Variants in PLTP observed in about 807,000 individuals in gnomAD.
The protein encoded by PLTP is BPI fold containing family E.
In PLTP, 43 loss-of-function variants were observed where a neutral mutation model predicts 54.1. That is an observed-to-expected ratio of 0.79 (90% CI 0.62 to 1.02). The LOEUF (loss-of-function observed/expected upper bound fraction) is 1.02. PLTP is among the 50% of genes least tolerant of loss of function. The pLI is 0.00. For missense variants in PLTP, 604 were observed against 645.9 expected, an observed-to-expected ratio of 0.94 and a Z score of 0.70; for synonymous variants, 263 against 264.6, an observed-to-expected ratio of 0.99 and a Z score of 0.06.
chr20:45,904,824 G>C lies in PLTP; in HGVS notation c.918C>G (p.Thr306=). 1 of 1,614,188 alleles carries C rather than the reference G, an allele frequency of 6.2e-7. No individual in the cohort carries two copies. Among genetic ancestry groups the C allele is most frequent in the Non-Finnish European group, 8.5e-7 (1 of 1,180,032 alleles). Residue 306 remains threonine (T), a synonymous_variant, in exon 10 of 16, where the codon ACC becomes ACG. Transcript: ENST00000372431. ...PHDLDMLLRA[T]YFGSIVLLSP... The stretch of plus-strand genomic sequence containing the variant: ...CCAGCAGGACAATGCTCCCAAAGTA[G>C]GTGGCCCTCAGCAGCATGTCCAGGT...
At chr20:45,910,131 G>C in intron 3 of PLTP, 61 bp from the exon 4 acceptor site, 1 of 1,591,414 alleles carries the variant, frequency 6.3e-7, no homozygotes, top group Admixed American at 1.7e-5. Flanking sequence ...CCAACGACAG[G>C]AAATTTGTCT....
In PLTP at chr20:45,898,842, G is replaced by A. The variant is rs767988669; in HGVS notation, c.*99C>T. The A allele has an allele frequency of 1.3e-5, 17 of 1,335,680 alleles. No individual in the cohort carries two copies. Among genetic ancestry groups the A allele is most frequent in the Admixed American group, 1.1e-4 (5 of 45,186 alleles). 82.7% of individuals were successfully genotyped at this position (1,335,680 alleles called of 1,614,324 possible). On this transcript the variant is annotated 3_prime_UTR_variant, in exon 16 of 16. Transcript: ENST00000372431. This position sits in a 1 kb window ranked among gnomAD's most constrained non-coding sequence, Gnocchi z 4.6. ...CAAATCCCGTCTTCTCTGTGGCACT[G>A]GGGGTTAGAGGGGGCACTACAGGCT...
intron 5 of PLTP, among the ~76,000 whole-genome samples, chr20:45,908,412 T>A (rs1448735904): frequency 1.3e-5 from 2 of 152,126 alleles, no homozygotes; most frequent in Non-Finnish European, 2.9e-5. Flanking sequence ...GAATAAATAA[T>A]ACTGACAGTG....
Position 45,906,267 on chromosome 20 carries a change from C to T in PLTP, c.705+1G>A, listed in dbSNP as rs1329082733. ...GTCATACACCAGCCCAAGCAGCTCACCCGGAAGTCCATGTCCAGGTTGCTG... is the reference window on the plus strand; with the variant it reads ...GTCATACACCAGCCCAAGCAGCTCATCCGGAAGTCCATGTCCAGGTTGCTG... On this transcript the variant is annotated splice_donor_variant, in intron 8 of 15. Coordinates refer to ENST00000372431, the MANE Select transcript of PLTP (RefSeq NM_006227.4). LOFTEE classifies it high-confidence loss of function. 5 of 1,610,002 alleles carry T rather than the reference C, an allele frequency of 3.1e-6. No individual in the cohort carries two copies. The highest frequency in any genetic ancestry group is 4.3e-6 in the Non-Finnish European group (5 of 1,176,328).
Position 45,911,447 on chromosome 20 carries a change from G to A in PLTP, c.6C>T (p.Ala2=), listed in dbSNP as rs2083292143. M[A]LFGALFLALL... ...GCGCTAGGAAGAGGGCCCCGAAGAG[G>A]GCCATGGCGAGCGGGCCTGGGGGTG... Residue 2 remains alanine, a synonymous_variant, in exon 2 of 16, where the codon GCC becomes GCT. Transcript: ENST00000372431. The A allele has an allele frequency of 1.9e-6, 3 of 1,604,052 alleles. No homozygotes were observed. The highest frequency in any genetic ancestry group is 2.7e-5 in the African/African-American group (2 of 74,940).
chr20:45,902,434 C>T lies in PLTP; in HGVS notation c.1107+6G>A. ...CAGCCAGCAGCCCCCACTCTGGGAC[C>T]CGTACCATAGTCATGCTGGACAGCT... On this transcript the variant is annotated splice_donor_region_variant and intron_variant, in intron 11 of 15. Transcript: ENST00000372431. 6.2e-7 allele frequency: 1 copy of T among 1,614,244 alleles called. No individual in the cohort carries two copies. The highest frequency in any genetic ancestry group is 8.5e-7 in the Non-Finnish European group (1 of 1,180,026).
At chr20:45,907,652 A>G in intron 7 of PLTP, 40 bp downstream of exon 7, 1 of 1,582,276 alleles carries the variant, frequency 6.3e-7, no homozygotes, top group Non-Finnish European at 8.7e-7. Flanking sequence ...GAGGTGCTGC[A>G]TGACAGCTGC....
At chr20:45,909,172 C>T (rs2083266600) in intron 5 of PLTP, among the ~76,000 whole-genome samples, 1 of 151,990 alleles carries the variant, frequency 6.6e-6, no homozygotes, top group South Asian at 2.1e-4. Flanking sequence ...ACCATGTTGG[C>T]CAGGATGATC....
At chr20:45,901,897 CTCA>C (rs1568771510) in intron 12 of PLTP, among the ~76,000 whole-genome samples, 3 of 84,928 alleles carry the variant, frequency 3.5e-5, no homozygotes, top group Non-Finnish European at 4.9e-5. Context: ...GAAACTCCTT[CTCA>C]AAAAAAAAAA....
chr20:45,905,844 C>G (rs1309326074), intron 8 of PLTP, among the ~76,000 whole-genome samples: 1 of 152,218 alleles, frequency 6.6e-6, no homozygotes, highest in African/African-American at 2.4e-5. Context: ...GTGACGTCAC[C>G]TCTATGAGTA....
Position 45,904,875 on chromosome 20 carries a change from A to AGGAGTGAG in PLTP, c.883-24_883-17dup. 1 of 1,614,218 alleles carries AGGAGTGAG rather than the reference A, an allele frequency of 6.2e-7. No individual in the cohort carries two copies. Among genetic ancestry groups the AGGAGTGAG allele is most frequent in the Non-Finnish European group, 8.5e-7 (1 of 1,180,006 alleles). ...CGTGGGGCACCTGAACAGGGGAATC[A>AGGAGTGAG]GGAGTGAGGGAGTGAGCTCTGTCAC... On this transcript the variant is annotated splice_polypyrimidine_tract_variant and intron_variant, in intron 9 of 15. Transcript: ENST00000372431.
At chr20:45,910,440 A>C (rs2145841935) in intron 3 of PLTP, among the ~76,000 whole-genome samples, 1 of 151,828 alleles carries the variant, frequency 6.6e-6, no homozygotes, top group South Asian at 2.1e-4. Context: ...ACATAGTGAA[A>C]CCCGTCTCTA....
chr20:45,911,721 T>C (rs1246770148), intron 1 of PLTP: 1 of 560,914 alleles, frequency 1.8e-6, no homozygotes, highest in East Asian at 3.1e-5. Context: ...TACCGCCGCG[T>C]GATGAGTTTG....
chr20:45,898,938 G>T lies in PLTP; in HGVS notation c.*3C>A, dbSNP rs371386488. Reference sequence around the variant, plus strand: ...GACAGCTGCCAGCTTGGGGATTGAGGGCTCAGACAGCTGCTGTGGACGGTG... The same window carrying T: ...GACAGCTGCCAGCTTGGGGATTGAGTGCTCAGACAGCTGCTGTGGACGGTG... On this transcript the variant is annotated 3_prime_UTR_variant, in exon 16 of 16. Transcript: ENST00000372431. The surrounding 1 kb of genome is among the most constrained non-coding windows in gnomAD (Gnocchi z 4.6). 7 of 1,613,886 alleles carry T rather than the reference G, an allele frequency of 4.3e-6. No homozygotes were observed. The highest frequency in any genetic ancestry group is 5.9e-6 in the Non-Finnish European group (7 of 1,179,822).
At chr20:45,901,731 G>T (rs984664720) in intron 12 of PLTP, among the ~76,000 whole-genome samples, 3 of 151,922 alleles carry the variant, frequency 2.0e-5, no homozygotes, top group African/African-American at 7.3e-5. Flanking sequence ...GTGAAACCCT[G>T]TCTCTACTAA....
At chr20:45,907,343 AAAAAAG>A (rs2083249958) in intron 7 of PLTP, among the ~76,000 whole-genome samples, 1 of 151,982 alleles carries the variant, frequency 6.6e-6, no homozygotes, top group Non-Finnish European at 1.5e-5. Flanking sequence ...AAAAAAAAAA[AAAAAAG>A]AAAGAAAAAG....
chr20:45,907,345 AAAAG>A (rs1421610437), intron 7 of PLTP, among the ~76,000 whole-genome samples: 4 of 151,860 alleles, frequency 2.6e-5, no homozygotes, highest in African/African-American at 7.2e-5. Flanking sequence ...AAAAAAAAAA[AAAAG>A]AAAGAAAAAG....
chr20:45,903,366 A>T (rs2083205188), intron 10 of PLTP, among the ~76,000 whole-genome samples: 1 of 151,998 alleles, frequency 6.6e-6, no homozygotes, highest in Admixed American at 6.6e-5. Flanking sequence ...CGCCTGGCTT[A>T]TTTTTGTATT....
In PLTP at chr20:45,899,787, G is replaced by A. The variant is rs1019611548; in HGVS notation, c.1218+49C>T. ...ATATGAGGAGGGGGGGATGGTGAGG[G>A]TCAGGATCTCACGAACCCAGCCCAG... is the stretch of plus-strand genomic sequence containing the variant. On this transcript the variant is annotated intron_variant, in intron 13 of 15. Transcript: ENST00000372431. 5.7e-6 allele frequency: 9 copies of A among 1,572,952 alleles called. No homozygotes were observed. The Admixed American group carries it at 7.3e-5, about 13-fold the overall frequency.
Sources: gnomAD v4.1 joint callset for allele counts (sites outside exome capture counted in the v4.1 genomes callset) on GRCh38, gnomAD v4.1.1 for gene constraint, Gnocchi (gnomAD v3.1) non-coding constraint, MANE v1.5 for transcripts, NCBI Gene and HGNC (gene_info 2026-07-23, HGNC 2026-07-21) for gene names.